Variants in DYNC2H1 observed in about 807,000 individuals in gnomAD.
DYNC2H1 encodes cytoplasmic dynein 2 heavy chain 1.
In DYNC2H1, 410 loss-of-function variants were observed where a neutral mutation model predicts 570.0. The ratio of observed to expected loss-of-function variants is 0.72; its 90% CI spans 0.66 to 0.78. The LOEUF (loss-of-function observed/expected upper bound fraction) is 0.78. Among genes scored for constraint, DYNC2H1 ranks in the 30% least tolerant of loss-of-function variants. The pLI, the probability that DYNC2H1 is intolerant of heterozygous loss-of-function variation, is 0.00. For synonymous variants in DYNC2H1, 1,688 were observed against 1,677.6 expected, an observed-to-expected ratio of 1.01 and a Z score of -0.15; for missense variants, 4,865 against 5,046.4, an observed-to-expected ratio of 0.96 and a Z score of 1.09.
intron 17 of DYNC2H1, among the ~76,000 whole-genome samples, chr11:103,136,893 T>C (rs1373106293): frequency 3.3e-5 from 5 of 151,812 alleles, no homozygotes; most frequent in Non-Finnish European, 5.9e-5. Context: ...ACCTGTTGTT[T>C]CCTGACTTTT....
intron 47 of DYNC2H1, 24 bp from the exon 48 acceptor site, chr11:103,197,909 C>T: frequency 6.4e-7 from 1 of 1,556,794 alleles, no homozygotes; most frequent in Middle Eastern, 1.7e-4. Context: ...GCATATAAAA[C>T]AAAAATATCA....
chr11:103,206,552 A>G (rs1862933007), intron 52 of DYNC2H1, among the ~76,000 whole-genome samples: 1 of 152,188 alleles, frequency 6.6e-6, no homozygotes, highest in South Asian at 2.1e-4. Context: ...GCACTTCAAC[A>G]TTAAGAAACT....
chr11:103,113,483 T>C, intron 1 of DYNC2H1, 54 bp from the exon 2 acceptor site: 3 of 1,377,052 alleles, frequency 2.2e-6, no homozygotes, highest in Non-Finnish European at 2.9e-6. Context: ...GTCTACATTT[T>C]TTTCAAATAT....
intron 47 of DYNC2H1, among the ~76,000 whole-genome samples, chr11:103,196,225 G>A (rs768938253): frequency 6.6e-6 from 1 of 152,164 alleles, no homozygotes; most frequent in South Asian, 2.1e-4. Context: ...CTTATAGCAG[G>A]GATACAAGGT....
At chr11:103,111,993 G>C (rs1177242974) in intron 1 of DYNC2H1, among the ~76,000 whole-genome samples, 1 of 152,188 alleles carries the variant, frequency 6.6e-6, no homozygotes, top group Non-Finnish European at 1.5e-5. Context: ...ACATAATTTT[G>C]GGTATTGATA....
chr11:103,331,437 C>A (rs1938786793), intron 82 of DYNC2H1, among the ~76,000 whole-genome samples: 2 of 152,032 alleles, frequency 1.3e-5, no homozygotes, highest in Non-Finnish European at 2.9e-5. Context: ...ATCTGTAGAC[C>A]CCTGCTTTAT....
chr11:103,171,208 C>A, intron 34 of DYNC2H1, 140 bp downstream of exon 34: 2 of 789,758 alleles, frequency 2.5e-6, no homozygotes, highest in Non-Finnish European at 3.5e-6. Flanking sequence ...ATTTTTTTAG[C>A]TATAAAACGT....
intron 78 of DYNC2H1, among the ~76,000 whole-genome samples, chr11:103,311,604 C>T (rs1867590454): frequency 6.6e-6 from 1 of 151,822 alleles, no homozygotes. Flanking sequence ...AAAAACCTCT[C>T]AATCATCCTA....
Position 103,176,497 on chromosome 11 carries a change from A to G in DYNC2H1, c.5874+63A>G, listed in dbSNP as rs1018080354. ...TTTCCTAGTTGATTCCTTATTAACTATCCTTGTCCTTCATCTTTCAACTTA... is the reference window on the plus strand; with the variant it reads ...TTTCCTAGTTGATTCCTTATTAACTGTCCTTGTCCTTCATCTTTCAACTTA... On this transcript the variant is annotated intron_variant, in intron 37 of 88. Coordinates refer to ENST00000375735, the MANE Select transcript of DYNC2H1 (RefSeq NM_001377.3). The G allele has an allele frequency of 7.3e-6, 9 of 1,231,246 alleles. No homozygotes were observed. In the South Asian group the frequency reaches 1.6e-4, roughly 22 times the overall value. The allele number at this position is 1,231,246 out of a possible 1,614,324, so 76.3% of individuals were successfully genotyped here. A position where few individuals can be genotyped will look rare whatever the true frequency, so the allele number is the denominator to read the frequency against.
At chr11:103,302,890 A>T (rs1036393892) in intron 75 of DYNC2H1, among the ~76,000 whole-genome samples, 1 of 152,136 alleles carries the variant, frequency 6.6e-6, no homozygotes, top group East Asian at 1.9e-4. Flanking sequence ...CGTGGAAAAC[A>T]TTTAGAAAAA....
At chr11:103,424,609 A>AGT (rs1341039585) in intron 84 of DYNC2H1, among the ~76,000 whole-genome samples, 3 of 151,872 alleles carry the variant, frequency 2.0e-5, no homozygotes, top group African/African-American at 2.4e-5. Context: ...ATAAAATTGG[A>AGT]GTGCTACTCA....
chr11:103,335,499 C>CA lies in DYNC2H1; in HGVS notation c.12039+11510dup, dbSNP rs988189570. 4.0e-4 allele frequency among the ~76,000 whole-genome samples: 61 copies of CA among 152,080 alleles called. No homozygotes were observed. The Middle Eastern group carries it at 0.024, about 59-fold the overall frequency. On this transcript the variant is annotated intron_variant, in intron 82 of 88. Transcript: ENST00000375735. ...GGTTGGCTTCTGGCCATGAGATTAG[C>CA]AGAGAGGAGAAAAATATGCTTTTGA...
intron 56 of DYNC2H1, 61 bp from the exon 57 acceptor site, chr11:103,220,562 A>G: frequency 6.8e-7 from 1 of 1,459,984 alleles, no homozygotes; most frequent in Non-Finnish European, 9.2e-7. Context: ...TAATTTTTCA[A>G]GAGTTAATGA....
At chr11:103,340,713 CTTGGA>C (rs1171124458) in intron 82 of DYNC2H1, among the ~76,000 whole-genome samples, 1 of 152,040 alleles carries the variant, frequency 6.6e-6, no homozygotes, top group East Asian at 1.9e-4. Context: ...ATATTAAACT[CTTGGA>C]TTGTGAGGCC....
chr11:103,420,294 C>G (rs1943436238), intron 84 of DYNC2H1, among the ~76,000 whole-genome samples: 1 of 152,036 alleles, frequency 6.6e-6, no homozygotes, highest in Non-Finnish European at 1.5e-5. Context: ...ATGTAGAGAA[C>G]CTTAGTAAGA....
rs924882529 is a variant in DYNC2H1 at position 103,209,793 on chromosome 11, A to G, written c.8455-83A>G. The G allele has an allele frequency of 7.5e-6, 8 of 1,070,484 alleles. No homozygotes were observed. The Admixed American group carries it at 1.7e-4, about 23-fold the overall frequency. The allele number at this position is 1,070,484 out of a possible 1,614,324, so 66.3% of individuals were successfully genotyped here. ...ATCCTAGAAGAAAAGTACAATCAATACTGACTTTTTTTGTATTAAAGGTTT... is the reference window on the plus strand; with the variant it reads ...ATCCTAGAAGAAAAGTACAATCAATGCTGACTTTTTTTGTATTAAAGGTTT... On this transcript the variant is annotated intron_variant, in intron 52 of 88. Coordinates refer to ENST00000375735, the MANE Select transcript of DYNC2H1 (RefSeq NM_001377.3). This position sits in a 1 kb window ranked among gnomAD's most constrained non-coding sequence, Gnocchi z 4.2.
chr11:103,117,600 C>A, intron 5 of DYNC2H1, 31 bp from the exon 6 acceptor site: 1 of 1,472,882 alleles, frequency 6.8e-7, no homozygotes, highest in South Asian at 1.4e-5. Flanking sequence ...ACATTTATTT[C>A]CCTTAAACTC....
chr11:103,305,536 A>C lies in DYNC2H1; in HGVS notation c.11382+816A>C, dbSNP rs1487879055. ...TTTTTGTCCTGGGACTTAGAGGGCC[A>C]AAGGAGGTCCTTAACAGAGAAGTTA... On this transcript the variant is annotated intron_variant, in intron 77 of 88. Coordinates refer to ENST00000375735, the MANE Select transcript of DYNC2H1 (RefSeq NM_001377.3). This position sits in a 1 kb window ranked among gnomAD's most constrained non-coding sequence, Gnocchi z 4.3. Among the ~76,000 whole-genome samples the C allele has an allele frequency of 6.6e-6, 1 of 152,200 alleles. No individual in the cohort carries two copies. The highest frequency in any genetic ancestry group is 1.5e-5 in the Non-Finnish European group (1 of 68,038).
chr11:103,467,243 G>T (rs2135844293), intron 87 of DYNC2H1, among the ~76,000 whole-genome samples: 1 of 152,226 alleles, frequency 6.6e-6, no homozygotes, highest in African/African-American at 2.4e-5. Flanking sequence ...ATAGTAGAAA[G>T]AATATTTAAG....
Sources: allele counts gnomAD v4.1 joint callset (sites outside exome capture counted in the v4.1 genomes callset), GRCh38; gene constraint gnomAD v4.1.1; non-coding constraint Gnocchi (gnomAD v3.1); transcripts MANE v1.5; gene names NCBI Gene and HGNC (gene_info 2026-07-23, HGNC 2026-07-21).